The following PTPRM variants were observed in gnomAD, a reference collection of about 807,000 sequenced individuals.
PTPRM encodes receptor-type tyrosine-protein phosphatase mu.
Under a neutral mutation model 186.7 loss-of-function variants are expected in PTPRM, and 47 were observed. The ratio of observed to expected loss-of-function variants is 0.25; its 90% CI spans 0.20 to 0.32. PTPRM has a LOEUF of 0.32. PTPRM is among the 10% of genes least tolerant of loss of function. PTPRM has a pLI of 1.00. For synonymous variants in PTPRM, 668 were observed against 674.9 expected (o/e 0.99, Z 0.16); for missense variants, 1,494 against 1,865.0 (o/e 0.80, Z 3.66).
intron 14 of PTPRM, among the ~76,000 whole-genome samples, chr18:8,225,073 A>G (rs1259881508): frequency 6.6e-6 from 1 of 152,114 alleles, no homozygotes; most frequent in Non-Finnish European, 1.5e-5. Context: ...ACATTATTTT[A>G]TTAGGGATTT....
At chr18:7,817,744 G>A (rs759833267) in intron 2 of PTPRM, among the ~76,000 whole-genome samples, 1 of 152,184 alleles carries the variant, frequency 6.6e-6, no homozygotes, top group Non-Finnish European at 1.5e-5. Context: ...GGGTCAGATT[G>A]TAAAACTGGA....
intron 2 of PTPRM, among the ~76,000 whole-genome samples, chr18:7,787,274 A>C (rs2043136387): frequency 6.6e-6 from 1 of 152,182 alleles, no homozygotes. Context: ...GACCCCATGA[A>C]GAGTCAGGAG....
chr18:8,248,701 C>G (rs1401555743), intron 17 of PTPRM, among the ~76,000 whole-genome samples: 1 of 152,170 alleles, frequency 6.6e-6, no homozygotes, highest in Non-Finnish European at 1.5e-5. Flanking sequence ...CTCGGTGCCA[C>G]TCAGGGCACC....
At chr18:8,072,363 A>G (rs1189084183) in intron 8 of PTPRM, among the ~76,000 whole-genome samples, 2 of 152,210 alleles carry the variant, frequency 1.3e-5, no homozygotes, top group Non-Finnish European at 2.9e-5. Context: ...CCATCAAAAC[A>G]TGAGGACAGA....
chr18:8,232,066 C>T (rs1458784859), intron 14 of PTPRM, among the ~76,000 whole-genome samples: 1 of 152,188 alleles, frequency 6.6e-6, no homozygotes, highest in Non-Finnish European at 1.5e-5. Context: ...CTGTGCTCTG[C>T]CTGTTTATCC....
chr18:7,700,993 A>AAGAAAG (rs1555654265), intron 1 of PTPRM, among the ~76,000 whole-genome samples: 5 of 107,352 alleles, frequency 4.7e-5, no homozygotes, highest in African/African-American at 1.9e-4. Flanking sequence ...AAAAAAAAAA[A>AAGAAAG]AAAGAAAGAA....
In PTPRM at chr18:8,214,944, C is replaced by T. The variant is rs151023788; in HGVS notation, c.2301-29114C>T. Among the ~76,000 whole-genome samples, 470 of 152,310 alleles carry T rather than the reference C, an allele frequency of 3.1e-3. 2 individuals carry two copies. The highest frequency in any genetic ancestry group is 0.011 in the African/African-American group (451 of 41,570). ...CCCAAATTACAGGCGTGAGCCACTG[C>T]GCCTGGCCATCCTTGATAATGATTT... On this transcript the variant is annotated intron_variant, in intron 14 of 32. Coordinates refer to ENST00000580170, the MANE Select transcript of PTPRM (RefSeq NM_001105244.2).
chr18:8,026,906 A>G (rs1354674067), intron 7 of PTPRM, among the ~76,000 whole-genome samples: 1 of 152,176 alleles, frequency 6.6e-6, no homozygotes, highest in Non-Finnish European at 1.5e-5. Flanking sequence ...TTTTTTAAAA[A>G]CATGACTCAT....
intron 2 of PTPRM, among the ~76,000 whole-genome samples, chr18:7,877,829 G>A (rs926943562): frequency 4.6e-5 from 7 of 152,104 alleles, no homozygotes; most frequent in Non-Finnish European, 2.9e-5. Flanking sequence ...TTGAGTTTAT[G>A]GACGAACTGA....
intron 7 of PTPRM, among the ~76,000 whole-genome samples, chr18:8,009,699 C>A (rs1419239490): frequency 6.6e-6 from 1 of 152,060 alleles, no homozygotes; most frequent in Non-Finnish European, 1.5e-5. Context: ...CAGAGCAAGA[C>A]TCTATCTCAA....
At chr18:8,100,163 G>T (rs1461679363) in intron 11 of PTPRM, among the ~76,000 whole-genome samples, 1 of 151,972 alleles carries the variant, frequency 6.6e-6, no homozygotes, top group East Asian at 1.9e-4. Flanking sequence ...TGTGGAAACG[G>T]AGTCTTACTC....
At chr18:7,856,181 G>A (rs1468754913) in intron 2 of PTPRM, among the ~76,000 whole-genome samples, 1 of 151,860 alleles carries the variant, frequency 6.6e-6, no homozygotes, top group Non-Finnish European at 1.5e-5. Context: ...AATGGAAGAG[G>A]CTTCTGAAGC....
chr18:8,172,233 C>T (rs1252166478), intron 14 of PTPRM, among the ~76,000 whole-genome samples: 2 of 150,532 alleles, frequency 1.3e-5, no homozygotes, highest in African/African-American at 4.9e-5. Flanking sequence ...ACAGATAAAG[C>T]ACTGTTCCTG....
chr18:7,608,139 C>G (rs1486706893), intron 1 of PTPRM, among the ~76,000 whole-genome samples: 4 of 152,218 alleles, frequency 2.6e-5, no homozygotes, highest in Non-Finnish European at 5.9e-5. Flanking sequence ...GAACGAACAA[C>G]TCCTTTCTTT....
chr18:8,066,591 C>T (rs2148414651), intron 7 of PTPRM, among the ~76,000 whole-genome samples: 1 of 152,302 alleles, frequency 6.6e-6, no homozygotes, highest in East Asian at 1.9e-4. Context: ...TTAGTAGGCA[C>T]AGCAGAACTA....
chr18:7,770,832 G>A (rs2042238625), intron 1 of PTPRM, among the ~76,000 whole-genome samples: 1 of 127,630 alleles, frequency 7.8e-6, no homozygotes, highest in Non-Finnish European at 1.5e-5. Context: ...TTGTTATTTT[G>A]GGGGGGTCCC....
intron 1 of PTPRM, among the ~76,000 whole-genome samples, chr18:7,610,916 T>C (rs1241662165): frequency 1.3e-5 from 2 of 152,170 alleles, no homozygotes; most frequent in African/African-American, 2.4e-5. Flanking sequence ...GGCGTTGTTA[T>C]TCTGGGAGAT....
chr18:8,061,717 A>G (rs1240515163), intron 7 of PTPRM, among the ~76,000 whole-genome samples: 4,502 of 84,822 alleles, frequency 0.053, no homozygotes, highest in Non-Finnish European at 0.069. Context: ...TCACTTATGA[A>G]GCTTAGTTTG....
intron 19 of PTPRM, among the ~76,000 whole-genome samples, chr18:8,278,662 GA>G (rs1275920029): frequency 6.6e-6 from 1 of 152,186 alleles, no homozygotes; most frequent in Non-Finnish European, 1.5e-5. Flanking sequence ...TGTAGCTGCT[GA>G]AAATAAGAAA....
Sources: allele counts gnomAD v4.1 joint callset (sites outside exome capture counted in the v4.1 genomes callset), GRCh38; gene constraint gnomAD v4.1.1; transcripts MANE v1.5; gene names NCBI Gene and HGNC (gene_info 2026-07-23, HGNC 2026-07-21).